The following DOCK5 variants were observed in gnomAD, a reference collection of about 807,000 sequenced individuals.
DOCK5 encodes dedicator of cytokinesis 5.
A neutral mutation model predicts 251.8 loss-of-function variants in DOCK5; 142 were observed. That is an observed-to-expected ratio of 0.56 (90% confidence interval 0.49 to 0.65). DOCK5 has a LOEUF of 0.65. Among genes scored for constraint, DOCK5 ranks in the 30% least tolerant of loss-of-function variants. The pLI is 0.00. For missense variants in DOCK5, 2,111 were observed against 2,312.3 expected (o/e 0.91, Z 1.79); for synonymous variants, 842 against 835.5 (o/e 1.01, Z -0.13).
intron 26 of DOCK5, among the ~76,000 whole-genome samples, chr8:25,350,334 TGAAAAGTCAA>T (rs1800444304): frequency 6.7e-6 from 1 of 149,040 alleles, no homozygotes; most frequent in Non-Finnish European, 1.5e-5. Flanking sequence ...ATAGAGGCTA[TGAAAAGTCAA>T]GTTGCATGTG....
At chr8:25,353,504 G>T (rs1455288667) in intron 27 of DOCK5, among the ~76,000 whole-genome samples, 2 of 152,020 alleles carry the variant, frequency 1.3e-5, no homozygotes, top group Non-Finnish European at 2.9e-5. Flanking sequence ...GGAAATTGGA[G>T]AATTCCTCAT....
At chr8:25,342,629 T>A in intron 25 of DOCK5, 122 bp downstream of exon 25, 1 of 508,624 alleles carries the variant, frequency 2.0e-6, no homozygotes, top group Non-Finnish European at 3.4e-6. Flanking sequence ...TGCTGCATGC[T>A]GAGATGACAG....
chr8:25,351,345 A>T lies in DOCK5; in HGVS notation c.2755-386A>T, dbSNP rs7840739. 4.8e-3 allele frequency: 820 copies of T among 169,470 alleles called. 6 individuals carry two copies. Among genetic ancestry groups the T allele is most frequent in the African/African-American group, 0.018 (772 of 42,048 alleles). 10.5% of individuals were successfully genotyped at this position (169,470 alleles called of 1,614,324 possible). A position where few individuals can be genotyped will look rare whatever the true frequency, so the allele number is the denominator to read the frequency against. On this transcript the variant is annotated intron_variant, in intron 26 of 51. Coordinates refer to ENST00000276440, the MANE Select transcript of DOCK5 (RefSeq NM_024940.8). Reference sequence around the variant, plus strand: ...AGTGCTGGGATTACAGGCGTGAGCCACCGCACCTGGCCTGACCTGAGCGAT... The same window carrying T: ...AGTGCTGGGATTACAGGCGTGAGCCTCCGCACCTGGCCTGACCTGAGCGAT...
At position 25,377,248 on chromosome 8, in the gene DOCK5, T is replaced by C. The variant is rs192671774; in HGVS notation, c.3817-57T>C. On this transcript the variant is annotated intron_variant, in intron 37 of 51. Coordinates refer to ENST00000276440, the MANE Select transcript of DOCK5 (RefSeq NM_024940.8). Reference sequence around the variant, plus strand: ...AAATATATATACAATATTTTCTTGATGTTGGGGGGCTGAATATTTGTTGTA... The same window carrying C: ...AAATATATATACAATATTTTCTTGACGTTGGGGGGCTGAATATTTGTTGTA... The C allele has an allele frequency of 1.7e-5, 26 of 1,547,826 alleles. No individual in the cohort carries two copies. The Admixed American group carries it at 1.9e-4, about 12-fold the overall frequency.
chr8:25,341,856 C>A, intron 24 of DOCK5, 47 bp downstream of exon 24: 1 of 1,471,336 alleles, frequency 6.8e-7, no homozygotes, highest in Non-Finnish European at 9.3e-7. Flanking sequence ...ACAGAAACAG[C>A]TCCCCTGCTT....
At position 25,215,932 on chromosome 8, in the gene DOCK5, TACACACAC is replaced by T. The variant is rs199685009; in HGVS notation, c.44-27709_44-27702del. Among the ~76,000 whole-genome samples the T allele has an allele frequency of 2.9e-3, 409 of 141,260 alleles. 1 individual carries two copies. Among genetic ancestry groups the T allele is most frequent in the South Asian group, 7.0e-3 (31 of 4,400 alleles). 92.7% of individuals were successfully genotyped at this position (141,260 alleles called of 152,430 possible). On this transcript the variant is annotated intron_variant, in intron 1 of 51. Transcript: ENST00000276440. The stretch of plus-strand genomic sequence containing the variant: ...AATCTTTTCAAATCCTGGAAATAAA[TACACACAC>T]ACACACACACACACACACACACACA...
At chr8:25,377,086 C>T (rs1317876075) in intron 37 of DOCK5, among the ~76,000 whole-genome samples, 2 of 152,160 alleles carry the variant, frequency 1.3e-5, no homozygotes, top group Non-Finnish European at 1.5e-5. Flanking sequence ...CTTGCTTTGT[C>T]GCTGGCATTT....
Position 25,285,090 on chromosome 8 carries a change from G to A in DOCK5, c.321+6425G>A, listed in dbSNP as rs184216190. Reference sequence around the variant, plus strand: ...TACTCCTTATGGAAAAGAGATAGAAGATCTTTTTTGGTGATAGAAGGTATT... The same window carrying A: ...TACTCCTTATGGAAAAGAGATAGAAAATCTTTTTTGGTGATAGAAGGTATT... On this transcript the variant is annotated intron_variant, in intron 5 of 51. Coordinates refer to ENST00000276440, the MANE Select transcript of DOCK5 (RefSeq NM_024940.8). 1.3e-3 allele frequency among the ~76,000 whole-genome samples: 204 copies of A among 152,288 alleles called. 4 individuals carry two copies. The South Asian group carries it at 0.04, about 30-fold the overall frequency.
chr8:25,409,070 C>A (rs149127621), intron 50 of DOCK5, 130 bp downstream of exon 50: 10 of 1,351,056 alleles, frequency 7.4e-6, no homozygotes, highest in Non-Finnish European at 9.2e-6. Context: ...ATTTCGTGTT[C>A]GTGTATTATA....
chr8:25,366,998 G>T (rs80282033), intron 31 of DOCK5, 28 bp downstream of exon 31: 108,505 of 1,577,258 alleles, frequency 0.069, 4,260 homozygotes, highest in South Asian at 0.13. Flanking sequence ...GTTAAGATCG[G>T]GAAGGGGCTT....
intron 2 of DOCK5, among the ~76,000 whole-genome samples, chr8:25,260,811 A>T (rs1234461721): frequency 6.7e-6 from 1 of 149,506 alleles, no homozygotes; most frequent in Non-Finnish European, 1.5e-5. Context: ...TTTTTTTTTT[A>T]AACGGACAGA....
intron 27 of DOCK5, among the ~76,000 whole-genome samples, chr8:25,354,681 G>A (rs1052321378): frequency 2.0e-5 from 3 of 152,208 alleles, no homozygotes; most frequent in Non-Finnish European, 2.9e-5. Context: ...AGACAGTCGC[G>A]AAGAGAGATG....
chr8:25,277,541 G>A (rs1209636640), intron 4 of DOCK5: 3 of 151,948 alleles, frequency 2.0e-5, no homozygotes, highest in African/African-American at 7.3e-5. Context: ...TCATAGACAA[G>A]TGGTCAAGAT....
At chr8:25,384,451 A>ATTTTTTTTTTTTTTTTT (rs1311005105) in intron 40 of DOCK5, among the ~76,000 whole-genome samples, 3 of 26,550 alleles carry the variant, frequency 1.1e-4, no homozygotes, top group Non-Finnish European at 3.1e-4. Flanking sequence ...TTATTTATTT[A>ATTTTTTTTTTTTTTTTT]TTTATTTATT....
rs1180145244 is a variant in DOCK5 at position 25,411,957 on chromosome 8, T to C, written c.*659T>C. On this transcript the variant is annotated 3_prime_UTR_variant, in exon 52 of 52. Transcript: ENST00000276440. Reference sequence around the variant, plus strand: ...TTGAGTCCACCCAACTCCCATCTTCTTGTGGCACAGGAAAGCTGCCCTCTC... The same window carrying C: ...TTGAGTCCACCCAACTCCCATCTTCCTGTGGCACAGGAAAGCTGCCCTCTC... 2.0e-5 allele frequency: 3 copies of C among 152,202 alleles called. No individual in the cohort carries two copies. In the East Asian group the frequency reaches 5.8e-4, roughly 29 times the overall value. 9.4% of individuals were successfully genotyped at this position (152,202 alleles called of 1,614,324 possible). A position where few individuals can be genotyped will look rare whatever the true frequency, so the allele number is the denominator to read the frequency against.
intron 22 of DOCK5, among the ~76,000 whole-genome samples, chr8:25,338,918 G>C (rs1805879851): frequency 6.6e-6 from 1 of 152,204 alleles, no homozygotes; most frequent in Admixed American, 6.5e-5. Flanking sequence ...ACACCAGATA[G>C]GACAGTAAAG....
chr8:25,294,310 T>G (rs942931638), intron 6 of DOCK5, among the ~76,000 whole-genome samples: 3 of 152,168 alleles, frequency 2.0e-5, no homozygotes, highest in Non-Finnish European at 4.4e-5. Context: ...GAAAGGAACC[T>G]GCCAGATCAA....
intron 29 of DOCK5, 118 bp downstream of exon 29, chr8:25,363,259 A>C: frequency 2.5e-6 from 2 of 809,948 alleles, no homozygotes; most frequent in Non-Finnish European, 4.0e-6. Flanking sequence ...TAAAGTGAGG[A>C]TCTTCCTGCT....
intron 5 of DOCK5, among the ~76,000 whole-genome samples, chr8:25,280,611 G>A (rs1031768661): frequency 3.3e-5 from 5 of 152,110 alleles, no homozygotes; most frequent in Admixed American, 3.3e-4. Flanking sequence ...AATCTATAAC[G>A]TTTCCCTCTG....
Sources: allele counts gnomAD v4.1 joint callset (sites outside exome capture counted in the v4.1 genomes callset), GRCh38; gene constraint gnomAD v4.1.1; transcripts MANE v1.5; gene names NCBI Gene and HGNC (gene_info 2026-07-23, HGNC 2026-07-21).